The following PLCE1 variants were observed in gnomAD, a reference collection of about 807,000 sequenced individuals.
PLCE1 encodes the protein phospholipase C epsilon 1.
PLCE1 carries 119 observed loss-of-function variants against 242.8 expected under a neutral mutation model. The observed-to-expected ratio is 0.49, with a 90% CI of 0.42 to 0.57. The LOEUF (loss-of-function observed/expected upper bound fraction) is 0.57. PLCE1 is among the 20% of genes least tolerant of loss of function. The probability of loss-of-function intolerance (pLI) is 0.00; values close to 1 mark genes in which losing one functional copy is unlikely to be tolerated. For missense variants in PLCE1, 2,441 were observed against 2,788.8 expected (o/e 0.88, Z 2.81); for synonymous variants, 945 against 1,017.4 (o/e 0.93, Z 1.35).
chr10:94,130,953 A>G lies in PLCE1; in HGVS notation c.1207-1221A>G, dbSNP rs113543181. Among the ~76,000 whole-genome samples, 1,427 of 152,260 alleles carry G rather than the reference A, an allele frequency of 9.4e-3. 22 individuals carry two copies. Among genetic ancestry groups the G allele is most frequent in the African/African-American group, 0.032 (1,322 of 41,548 alleles). ...AGTGTCACCGAAGGAGGTGACCTTC[A>G]TTTCCACCCTACTCTAAGCTCTTGG... is the stretch of plus-strand genomic sequence containing the variant. On this transcript the variant is annotated intron_variant, in intron 2 of 32. Coordinates refer to ENST00000371380, the MANE Select transcript of PLCE1 (RefSeq NM_016341.4).
intron 29 of PLCE1, among the ~76,000 whole-genome samples, chr10:94,320,262 C>G (rs1234669796): frequency 6.6e-6 from 1 of 152,006 alleles, no homozygotes; most frequent in African/African-American, 2.4e-5. Context: ...TCTTCCCCCC[C>G]TTCCATTATA....
In PLCE1 at chr10:94,250,185, C is replaced by G. The variant is rs1174458460; in HGVS notation, c.3097-2131C>G. On this transcript the variant is annotated intron_variant, in intron 8 of 32. Coordinates refer to ENST00000371380, the MANE Select transcript of PLCE1 (RefSeq NM_016341.4). ...AAAATTGAACATGTGCCTTCACTTACAGTAGTCCATCTCCCACATTAAAAA... is the reference window on the plus strand; with the variant it reads ...AAAATTGAACATGTGCCTTCACTTAGAGTAGTCCATCTCCCACATTAAAAA... 1.6e-4 allele frequency among the ~76,000 whole-genome samples: 23 copies of G among 143,954 alleles called. No homozygotes were observed. The Admixed American group carries it at 1.6e-3, about 10-fold the overall frequency. The allele number at this position is 143,954 out of a possible 152,430, so 94.4% of individuals were successfully genotyped here.
rs2053581374 is a variant in PLCE1 at position 94,316,543 on chromosome 10, T to G, written c.6133-4T>G. ...TCCTCAGTTTGCCTTCACTTTTTCT[T>G]TAGATTCTGACAAATGAACAAGACA... On this transcript the variant is annotated splice_region_variant and splice_polypyrimidine_tract_variant and intron_variant, in intron 28 of 32. Coordinates refer to ENST00000371380, the MANE Select transcript of PLCE1 (RefSeq NM_016341.4). The G allele has an allele frequency of 1.2e-6, 2 of 1,600,628 alleles. No homozygotes were observed. Among genetic ancestry groups the G allele is most frequent in the African/African-American group, 2.7e-5 (2 of 74,734 alleles).
intron 1 of PLCE1, among the ~76,000 whole-genome samples, chr10:94,024,812 A>G (rs1350749831): frequency 6.6e-6 from 1 of 152,086 alleles, no homozygotes; most frequent in Non-Finnish European, 1.5e-5. Flanking sequence ...TTTCCCACCA[A>G]TGCAGGAATT....
At chr10:94,199,791 C>G (rs2048936970) in intron 4 of PLCE1, among the ~76,000 whole-genome samples, 1 of 147,614 alleles carries the variant, frequency 6.8e-6, no homozygotes, top group African/African-American at 2.5e-5. Flanking sequence ...ATGGAGTCAG[C>G]ATGACAGACA....
At chr10:94,250,157 T>C (rs994444657) in intron 8 of PLCE1, among the ~76,000 whole-genome samples, 6 of 146,746 alleles carry the variant, frequency 4.1e-5, no homozygotes, top group African/African-American at 1.5e-4. Flanking sequence ...AAAACTGTTT[T>C]CTAAAATTGA....
chr10:94,222,042 TG>T (rs749208198), intron 4 of PLCE1, among the ~76,000 whole-genome samples: 16 of 152,148 alleles, frequency 1.1e-4, no homozygotes, highest in Middle Eastern at 3.2e-3. Flanking sequence ...GGACTCTGGA[TG>T]GCCTGCCTGT....
chr10:94,035,915 A>G (rs926587730), intron 2 of PLCE1, among the ~76,000 whole-genome samples: 5 of 152,146 alleles, frequency 3.3e-5, no homozygotes, highest in Admixed American at 2.6e-4. Context: ...TGGTTCCTCA[A>G]TCAGATTGTA....
intron 1 of PLCE1, among the ~76,000 whole-genome samples, chr10:94,006,022 C>T (rs1589842181): frequency 6.6e-6 from 1 of 152,184 alleles, no homozygotes; most frequent in African/African-American, 2.4e-5. Flanking sequence ...CCCATTCTGC[C>T]TTCTAAATAT....
At chr10:94,134,552 A>T (rs1177549451) in intron 3 of PLCE1, among the ~76,000 whole-genome samples, 1 of 152,194 alleles carries the variant, frequency 6.6e-6, no homozygotes, top group African/African-American at 2.4e-5. Context: ...CAAGGTATAC[A>T]TATTTCAAAA....
chr10:94,105,113 T>C (rs1210991571), intron 2 of PLCE1: 5 of 152,204 alleles, frequency 3.3e-5, no homozygotes, highest in African/African-American at 1.2e-4. Context: ...ATGTTTGAGC[T>C]GATGGAGGGC....
chr10:94,141,494 A>G (rs1012685031), intron 3 of PLCE1, among the ~76,000 whole-genome samples: 1 of 150,768 alleles, frequency 6.6e-6, no homozygotes, highest in South Asian at 2.1e-4. Context: ...AGGGAAGGTG[A>G]AGGGAAGGCG....
At chr10:94,316,353 G>A (rs2053572141) in intron 28 of PLCE1, among the ~76,000 whole-genome samples, 194 bp from the exon 29 acceptor site, 1 of 152,148 alleles carries the variant, frequency 6.6e-6, no homozygotes, top group Non-Finnish European at 1.5e-5. Context: ...AATAAGTTGT[G>A]CCGTTGCCCG....
At chr10:94,222,091 G>A (rs2049767939) in intron 4 of PLCE1, among the ~76,000 whole-genome samples, 1 of 152,140 alleles carries the variant, frequency 6.6e-6, no homozygotes, top group African/African-American at 2.4e-5. Flanking sequence ...CTGGAAATGT[G>A]GGAAAGATGG....
intron 27 of PLCE1, among the ~76,000 whole-genome samples, chr10:94,310,617 A>C (rs1222253489): frequency 2.0e-5 from 3 of 152,172 alleles, no homozygotes; most frequent in African/African-American, 7.2e-5. Flanking sequence ...AAAGAGCAGG[A>C]ATCACATGCT....
intron 3 of PLCE1, among the ~76,000 whole-genome samples, chr10:94,147,567 A>G (rs963861395): frequency 2.6e-5 from 4 of 152,218 alleles, no homozygotes; most frequent in African/African-American, 7.2e-5. Context: ...CCTGCCGTGG[A>G]CTAGATGCTA....
chr10:94,181,724 C>A (rs960529993), intron 4 of PLCE1, among the ~76,000 whole-genome samples: 5 of 152,094 alleles, frequency 3.3e-5, no homozygotes, highest in Admixed American at 3.3e-4. Flanking sequence ...ACCAGAAGTT[C>A]AAGACCAACA....
At chr10:94,302,726 C>T (rs35247409) in intron 24 of PLCE1, among the ~76,000 whole-genome samples, 23,652 of 152,138 alleles carry the variant, frequency 0.16, 2,048 homozygotes, top group Middle Eastern at 0.28. Context: ...GCTTCAGTTT[C>T]CTCATCCATA....
chr10:94,164,125 G>T, intron 3 of PLCE1, among the ~76,000 whole-genome samples: 1 of 152,042 alleles, frequency 6.6e-6, no homozygotes, highest in East Asian at 1.9e-4. Flanking sequence ...TGACCATTAT[G>T]TGTCTTGGAG....
Sources: gnomAD v4.1 joint callset for allele counts (sites outside exome capture counted in the v4.1 genomes callset) on GRCh38, gnomAD v4.1.1 for gene constraint, MANE v1.5 for transcripts, NCBI Gene and HGNC (gene_info 2026-07-23, HGNC 2026-07-21) for gene names.